Variants in BNC2 observed in about 807,000 individuals in gnomAD.
BNC2 encodes zinc finger protein basonuclin-2.
BNC2 carries 20 observed loss-of-function variants against 76.3 expected under a neutral mutation model. The ratio of observed to expected loss-of-function variants is 0.26; its 90% CI spans 0.18 to 0.38. The LOEUF is 0.38. Among genes scored for constraint, BNC2 ranks in the 10% least tolerant of loss-of-function variants. The pLI is 1.00. For synonymous variants in BNC2, 582 were observed against 514.8 expected, an observed-to-expected ratio of 1.13 and a Z score of -1.77; for missense variants, 1,382 against 1,399.8, an observed-to-expected ratio of 0.99 and a Z score of 0.20.
chr9:16,627,850 T>G (rs936086515), intron 3 of BNC2, among the ~76,000 whole-genome samples: 2 of 152,188 alleles, frequency 1.3e-5, no homozygotes, highest in Non-Finnish European at 2.9e-5. Context: ...TCATAATACT[T>G]TGCAGAAAGT....
At chr9:16,712,789 C>T (rs1475834847) in intron 3 of BNC2, among the ~76,000 whole-genome samples, 4 of 152,194 alleles carry the variant, frequency 2.6e-5, no homozygotes, top group African/African-American at 7.2e-5. Flanking sequence ...CAGTCTAATA[C>T]ATCCAGTTAA....
intron 3 of BNC2, among the ~76,000 whole-genome samples, chr9:16,647,896 C>T (rs984080759): frequency 2.0e-5 from 3 of 152,120 alleles, no homozygotes; most frequent in East Asian, 1.9e-4. Flanking sequence ...TATTTCTAAT[C>T]TTATTCAACC....
intron 1 of BNC2, among the ~76,000 whole-genome samples, chr9:16,814,662 A>G (rs995055116): frequency 3.3e-5 from 5 of 152,216 alleles, no homozygotes; most frequent in South Asian, 2.1e-4. Flanking sequence ...GAGATAACAG[A>G]TATCAGCTAG....
chr9:16,519,466 A>G (rs1817548808), intron 5 of BNC2, among the ~76,000 whole-genome samples: 1 of 152,108 alleles, frequency 6.6e-6, no homozygotes, highest in African/African-American at 2.4e-5. Context: ...GGTAGAGACA[A>G]CCCTCACTTC....
At chr9:16,508,849 G>A (rs1039439182) in intron 5 of BNC2, among the ~76,000 whole-genome samples, 1 of 131,284 alleles carries the variant, frequency 7.6e-6, no homozygotes, top group Non-Finnish European at 1.6e-5. Flanking sequence ...TTAGGACATT[G>A]TCTTGCTCTG....
At chr9:16,589,266 A>G (rs1819856418) in intron 3 of BNC2, among the ~76,000 whole-genome samples, 1 of 151,966 alleles carries the variant, frequency 6.6e-6, no homozygotes, top group South Asian at 2.1e-4. Flanking sequence ...GCTCACTGCA[A>G]CCTCTGCCTC....
At chr9:16,487,702 G>C (rs1822194687) in intron 5 of BNC2, among the ~76,000 whole-genome samples, 1 of 152,172 alleles carries the variant, frequency 6.6e-6, no homozygotes, top group South Asian at 2.1e-4. Flanking sequence ...TAAGATTCCA[G>C]TAACATGTCC....
intron 1 of BNC2, among the ~76,000 whole-genome samples, chr9:16,761,185 T>C (rs1031597686): frequency 1.3e-5 from 2 of 152,148 alleles, no homozygotes; most frequent in African/African-American, 4.8e-5. Flanking sequence ...GAGGTTAAGG[T>C]TGCAGTGAGC....
chr9:16,583,941 T>C (rs762936095), intron 3 of BNC2, among the ~76,000 whole-genome samples: 4 of 152,164 alleles, frequency 2.6e-5, no homozygotes, highest in Non-Finnish European at 5.9e-5. Flanking sequence ...CATAGAAAAT[T>C]AGCATAAATG....
chr9:16,804,245 A>G (rs1289971386), intron 1 of BNC2, among the ~76,000 whole-genome samples: 1 of 152,264 alleles, frequency 6.6e-6, no homozygotes, highest in Non-Finnish European at 1.5e-5. Flanking sequence ...CAATGATTAA[A>G]CACTCATTAT....
chr9:16,697,858 T>C (rs767657599), intron 3 of BNC2, among the ~76,000 whole-genome samples: 7 of 152,168 alleles, frequency 4.6e-5, no homozygotes, highest in Non-Finnish European at 8.8e-5. Flanking sequence ...TAAGTATTGA[T>C]TGCCACGTAC....
At chr9:16,839,731 A>G (rs747687701) in intron 1 of BNC2, among the ~76,000 whole-genome samples, 5 of 152,228 alleles carry the variant, frequency 3.3e-5, no homozygotes, top group Non-Finnish European at 7.3e-5. Flanking sequence ...CAGAAAAATT[A>G]AAGGCTGATT....
chr9:16,850,173 C>G (rs1395604336), intron 1 of BNC2, among the ~76,000 whole-genome samples: 3 of 152,170 alleles, frequency 2.0e-5, no homozygotes, highest in African/African-American at 7.2e-5. Flanking sequence ...CCTTTAGAAG[C>G]CTTCTCAGGC....
chr9:16,461,200 G>A (rs1264021263), intron 5 of BNC2, among the ~76,000 whole-genome samples: 2 of 152,150 alleles, frequency 1.3e-5, no homozygotes, highest in Non-Finnish European at 2.9e-5. Context: ...CCGCTCACTT[G>A]AATCAGTAAG....
At chr9:16,442,667 G>A (rs1223554668) in intron 5 of BNC2, among the ~76,000 whole-genome samples, 1 of 152,144 alleles carries the variant, frequency 6.6e-6, no homozygotes, top group Non-Finnish European at 1.5e-5. Context: ...CCAACAAGGA[G>A]CCCACCTGTG....
chr9:16,666,426 G>A (rs533479499), intron 3 of BNC2, among the ~76,000 whole-genome samples: 3 of 152,150 alleles, frequency 2.0e-5, no homozygotes, highest in East Asian at 3.9e-4. Flanking sequence ...CAGGTAGGTG[G>A]CATTAAAGAT....
intron 3 of BNC2, among the ~76,000 whole-genome samples, chr9:16,709,161 G>A (rs1008552130): frequency 6.6e-6 from 1 of 152,112 alleles, no homozygotes; most frequent in Non-Finnish European, 1.5e-5. Context: ...GTTGGTGGGG[G>A]TGGCAGCAAG....
chr9:16,797,725 C>G (rs563663904), intron 1 of BNC2, among the ~76,000 whole-genome samples: 3 of 151,988 alleles, frequency 2.0e-5, no homozygotes, highest in Non-Finnish European at 4.4e-5. Context: ...GGGTTTCTTG[C>G]CACCCTAGAA....
intron 6 of BNC2, among the ~76,000 whole-genome samples, chr9:16,422,386 T>A (rs1183103075): frequency 6.6e-6 from 1 of 152,196 alleles, no homozygotes; most frequent in East Asian, 1.9e-4. Context: ...AACAGCTACT[T>A]TATCAATTGA....
Sources: allele counts gnomAD v4.1 joint callset (sites outside exome capture counted in the v4.1 genomes callset), GRCh38; gene constraint gnomAD v4.1.1; transcripts MANE v1.5; gene names NCBI Gene and HGNC (gene_info 2026-07-23, HGNC 2026-07-21).